Variants in CADPS observed in about 807,000 individuals in gnomAD.
The protein encoded by CADPS is calcium dependent secretion activator, also known as calcium-dependent secretion activator 1.
A neutral mutation model predicts 167.3 loss-of-function variants in CADPS; 57 were observed. The observed-to-expected ratio is 0.34, with a 90% CI of 0.28 to 0.42. The LOEUF (loss-of-function observed/expected upper bound fraction) is 0.42, where lower values mean the gene tolerates loss of function less well. Ranked by LOEUF, CADPS falls within the 20% of genes least tolerant of loss-of-function variation. CADPS has a pLI of 1.00. For missense variants in CADPS, 1,414 were observed against 1,738.1 expected (o/e 0.81, Z 3.32); for synonymous variants, 676 against 635.3 (o/e 1.06, Z -0.96).
intron 28 of CADPS, among the ~76,000 whole-genome samples, chr3:62,418,256 G>C (rs992276520): frequency 5.4e-5 from 8 of 148,294 alleles, no homozygotes; most frequent in Non-Finnish European, 1.2e-4. Context: ...TATTTTTCCT[G>C]TTTCTGAGCC....
chr3:62,744,250 C>T, intron 3 of CADPS, among the ~76,000 whole-genome samples: 1 of 151,720 alleles, frequency 6.6e-6, no homozygotes, highest in Non-Finnish European at 1.5e-5. Context: ...AACTGGAGGT[C>T]AGGACGTAAA....
At chr3:62,637,821 A>T (rs2066600259) in intron 6 of CADPS, among the ~76,000 whole-genome samples, 1 of 152,092 alleles carries the variant, frequency 6.6e-6, no homozygotes, top group African/African-American at 2.4e-5. Flanking sequence ...GGATTTCAAT[A>T]TTTCCATTAG....
chr3:62,428,740 A>G (rs773547990), intron 28 of CADPS, among the ~76,000 whole-genome samples: 3 of 152,188 alleles, frequency 2.0e-5, no homozygotes, highest in Non-Finnish European at 4.4e-5. Context: ...TTTTAGTGGT[A>G]ACCTCTTTTC....
At chr3:62,693,334 A>G (rs6805696) in intron 3 of CADPS, among the ~76,000 whole-genome samples, 149,825 of 152,164 alleles carry the variant, frequency 0.98, 73,808 homozygotes, top group Middle Eastern at 1. Context: ...CTCACCCTGG[A>G]TTGTAAGCTA....
At chr3:62,474,910 T>C (rs916826919) in intron 23 of CADPS, among the ~76,000 whole-genome samples, 1 of 152,136 alleles carries the variant, frequency 6.6e-6, no homozygotes, top group Admixed American at 6.6e-5. Flanking sequence ...AGGTAATACA[T>C]CAAGCTGTTA....
At chr3:62,460,351 T>TTG (rs2059187070) in intron 26 of CADPS, among the ~76,000 whole-genome samples, 1 of 152,172 alleles carries the variant, frequency 6.6e-6, no homozygotes, top group South Asian at 2.1e-4. Context: ...ACTTAAAAAT[T>TTG]ACATGTATTT....
chr3:62,598,424 C>T (rs556863377), intron 6 of CADPS, among the ~76,000 whole-genome samples: 9 of 152,324 alleles, frequency 5.9e-5, no homozygotes, highest in African/African-American at 2.2e-4. Context: ...AATATTTGCA[C>T]CCTTCCTTAT....
intron 28 of CADPS, among the ~76,000 whole-genome samples, chr3:62,408,896 C>T (rs1459274141): frequency 3.3e-5 from 5 of 152,296 alleles, no homozygotes; most frequent in South Asian, 2.1e-4. Context: ...CAGACAACTC[C>T]GTAGGACTTT....
intron 3 of CADPS, among the ~76,000 whole-genome samples, chr3:62,691,537 T>A (rs913796163): frequency 6.6e-6 from 1 of 152,116 alleles, no homozygotes; most frequent in East Asian, 1.9e-4. Flanking sequence ...CAGTCAGTAA[T>A]GGTGCTTCCT....
chr3:62,651,941 G>T (rs1563365205), intron 4 of CADPS, among the ~76,000 whole-genome samples: 1 of 151,870 alleles, frequency 6.6e-6, no homozygotes, highest in Non-Finnish European at 1.5e-5. Context: ...CCTCAAACTG[G>T]CTTAAAACAA....
intron 3 of CADPS, among the ~76,000 whole-genome samples, chr3:62,721,139 A>ATTTTTTTTTTTTTTTTTTTTTT (rs1268261563): frequency 8.9e-6 from 1 of 112,972 alleles, no homozygotes. Context: ...TTTTTTAAAA[A>ATTTTTTTTTTTTTTTTTTTTTT]AAAAAAGAAG....
intron 29 of CADPS, among the ~76,000 whole-genome samples, chr3:62,401,242 C>A (rs1355214921): frequency 1.3e-5 from 2 of 152,070 alleles, no homozygotes; most frequent in African/African-American, 2.4e-5. Flanking sequence ...ACTTTTCAAT[C>A]ATTTGTTCTG....
chr3:62,416,543 GA>G (rs1235872735), intron 28 of CADPS, among the ~76,000 whole-genome samples: 3 of 152,290 alleles, frequency 2.0e-5, no homozygotes, highest in South Asian at 4.1e-4. Flanking sequence ...TTCACCTTTT[GA>G]ATCTGAGGTG....
intron 1 of CADPS, among the ~76,000 whole-genome samples, chr3:62,824,166 C>CAAAAAAA (rs3047274): frequency 4.7e-5 from 6 of 126,642 alleles, no homozygotes; most frequent in Admixed American, 8.1e-5. Flanking sequence ...GCTATAACTT[C>CAAAAAAA]AAAAAAAAAA....
chr3:62,431,546 T>C (rs986413855), intron 28 of CADPS, among the ~76,000 whole-genome samples: 25 of 151,936 alleles, frequency 1.6e-4, no homozygotes, highest in African/African-American at 4.6e-4. Flanking sequence ...TTTTTTTTTT[T>C]CTCAGCAAAT....
At chr3:62,611,885 C>T (rs554168717) in intron 6 of CADPS, among the ~76,000 whole-genome samples, 1 of 152,278 alleles carries the variant, frequency 6.6e-6, no homozygotes, top group African/African-American at 2.4e-5. Flanking sequence ...TCTTTTTTCT[C>T]CTTATCACTT....
At chr3:62,729,299 G>A (rs2077311182) in intron 3 of CADPS, among the ~76,000 whole-genome samples, 1 of 151,870 alleles carries the variant, frequency 6.6e-6, no homozygotes, top group Non-Finnish European at 1.5e-5. Flanking sequence ...TCTTCCAAAT[G>A]CTCCAGGAAT....
rs1268261563 is a variant in CADPS at position 62,721,139 on chromosome 3, A to ATTTTTTTTTTTTTTTT, written c.888+32301_888+32302insAAAAAAAAAAAAAAAA. Among the ~76,000 whole-genome samples the ATTTTTTTTTTTTTTTT allele has an allele frequency of 4.0e-3, 456 of 112,944 alleles. 13 individuals carry two copies. Among genetic ancestry groups the ATTTTTTTTTTTTTTTT allele is most frequent in the African/African-American group, 0.016 (401 of 25,136 alleles). 74.1% of individuals were successfully genotyped at this position (112,944 alleles called of 152,430 possible). ...GCAGGTTTTTTTTTTTTTTTTAAAA[A>ATTTTTTTTTTTTTTTT]AAAAAAGAAGAAAAAAGAAAAAGTA... On this transcript the variant is annotated intron_variant, in intron 3 of 29. Coordinates refer to ENST00000383710, the MANE Select transcript of CADPS (RefSeq NM_003716.4).
In CADPS at chr3:62,477,405, T is replaced by A. The variant is rs62243486; in HGVS notation, c.3329+856A>T. 2.0e-5 allele frequency among the ~76,000 whole-genome samples: 3 copies of A among 151,706 alleles called. No individual in the cohort carries two copies. In the East Asian group the frequency reaches 5.8e-4, roughly 30 times the overall value. The stretch of plus-strand genomic sequence containing the variant: ...GTGTATCTGGGGGTAGACAGAGTGA[T>A]GATGATGATGTCCCCTCAGTGGAAT... On this transcript the variant is annotated intron_variant, in intron 23 of 29. Transcript: ENST00000383710.
Sources: allele counts gnomAD v4.1 joint callset (sites outside exome capture counted in the v4.1 genomes callset), GRCh38; gene constraint gnomAD v4.1.1; transcripts MANE v1.5; gene names NCBI Gene and HGNC (gene_info 2026-07-23, HGNC 2026-07-21).